Variants in ABI1 observed in about 807,000 individuals in gnomAD.
ABI1 encodes the protein abl interactor 1.
In ABI1, 14 loss-of-function variants were observed where a neutral mutation model predicts 54.6. The ratio of observed to expected loss-of-function variants is 0.26; its 90% CI spans 0.17 to 0.40. The LOEUF (loss-of-function observed/expected upper bound fraction) is 0.40. Ranked by LOEUF, ABI1 falls within the 10% of genes least tolerant of loss-of-function variation. The probability of loss-of-function intolerance (pLI) is 1.00; values close to 1 mark genes in which losing one functional copy is unlikely to be tolerated. For synonymous variants in ABI1, 194 were observed against 209.3 expected, an observed-to-expected ratio of 0.93 and a Z score of 0.63; for missense variants, 443 against 598.3, an observed-to-expected ratio of 0.74 and a Z score of 2.71.
At chr10:26,798,244 T>C (rs1022346844) in intron 2 of ABI1, among the ~76,000 whole-genome samples, 1 of 151,080 alleles carries the variant, frequency 6.6e-6, no homozygotes, top group African/African-American at 2.4e-5. Flanking sequence ...AAGTTAGAAC[T>C]GATATAGCAA....
chr10:26,849,312 G>GA (rs201581937), intron 1 of ABI1, among the ~76,000 whole-genome samples: 3 of 148,700 alleles, frequency 2.0e-5, no homozygotes, highest in Non-Finnish European at 3.0e-5. Context: ...ACCATCCACA[G>GA]AAAAAAAAAG....
rs568721503 is a variant in ABI1 at position 26,791,098 on chromosome 10, G to T, written c.286-13857C>A. Among the ~76,000 whole-genome samples the T allele has an allele frequency of 1.3e-4, 19 of 144,454 alleles. No individual in the cohort carries two copies. The South Asian group carries it at 4.2e-3, about 32-fold the overall frequency. 94.8% of individuals were successfully genotyped at this position (144,454 alleles called of 152,430 possible). ...AAAAAAAAAAAAAAAAAAACAGAGCGAATATAATACAAGTGGAAAACTCTT... is the reference window on the plus strand; with the variant it reads ...AAAAAAAAAAAAAAAAAAACAGAGCTAATATAATACAAGTGGAAAACTCTT... On this transcript the variant is annotated intron_variant, in intron 2 of 10. Transcript: ENST00000376140.
chr10:26,853,112 G>A lies in ABI1; in HGVS notation c.117+7635C>T, dbSNP rs2050525765. On this transcript the variant is annotated intron_variant, in intron 1 of 10. Transcript: ENST00000376140. ...AGGGATGGATATTTACTGTTAAAAT[G>A]ACCACGTCAACTATTTCCTTTAAAA... Among the ~76,000 whole-genome samples the A allele has an allele frequency of 3.3e-5, 5 of 151,606 alleles. No individual in the cohort carries two copies. In the South Asian group the frequency reaches 1.0e-3, roughly 31 times the overall value.
In ABI1 at chr10:26,800,438, C is replaced by T. The variant is rs1359520530; in HGVS notation, c.285+22700G>A. Among the ~76,000 whole-genome samples the T allele has an allele frequency of 3.3e-5, 5 of 152,022 alleles. No individual in the cohort carries two copies. In the South Asian group the frequency reaches 6.2e-4, roughly 19 times the overall value. On this transcript the variant is annotated intron_variant, in intron 2 of 10. Coordinates refer to ENST00000376140, the MANE Select transcript of ABI1 (RefSeq NM_001012750.3). ...ATCACAAGGAAGCATTACACATACCCATACGGAGACACATTCTACAAAACA... is the reference window on the plus strand; with the variant it reads ...ATCACAAGGAAGCATTACACATACCTATACGGAGACACATTCTACAAAACA...
At chr10:26,835,208 G>A (rs2048983568) in intron 1 of ABI1, among the ~76,000 whole-genome samples, 1 of 151,854 alleles carries the variant, frequency 6.6e-6, no homozygotes, top group African/African-American at 2.4e-5. Context: ...GGAGAAAGGG[G>A]AATACCCATA....
In ABI1 at chr10:26,751,694, CTGGTGG is replaced by C; in HGVS notation, c.1168_1173del (p.Pro390_Pro391del). The C allele has an allele frequency of 6.2e-7, 1 of 1,613,810 alleles. No homozygotes were observed. The highest frequency in any genetic ancestry group is 8.5e-7 in the Non-Finnish European group (1 of 1,179,870). On this transcript the variant is annotated inframe_deletion, in exon 10 of 11. Transcript: ENST00000376140. Reference sequence around the variant, plus strand: ...GCAGCCTCCTCATCTTCATAATCCACTGGTGGTGGTGGTGGGGGAGGTGGAGAGTCA... The same window carrying C: ...GCAGCCTCCTCATCTTCATAATCCACTGGTGGTGGGGGAGGTGGAGAGTCA...
chr10:26,794,165 C>A (rs926037771), intron 2 of ABI1, among the ~76,000 whole-genome samples: 74 of 152,220 alleles, frequency 4.9e-4, no homozygotes, highest in African/African-American at 1.6e-3. Flanking sequence ...ATCCCTTGAA[C>A]CCAGGATGCA....
intron 1 of ABI1, among the ~76,000 whole-genome samples, chr10:26,836,929 A>G (rs2049122864): frequency 6.6e-6 from 1 of 152,220 alleles, no homozygotes; most frequent in Non-Finnish European, 1.5e-5. Flanking sequence ...TGAACCAGAA[A>G]GTAACAATTT....
chr10:26,813,325 A>G (rs2047358348), intron 2 of ABI1, among the ~76,000 whole-genome samples: 1 of 152,092 alleles, frequency 6.6e-6, no homozygotes, highest in African/African-American at 2.4e-5. Context: ...CCAACAGTCC[A>G]TTAGGAATCT....
chr10:26,842,203 A>AT (rs2049571346), intron 1 of ABI1, among the ~76,000 whole-genome samples: 1 of 152,208 alleles, frequency 6.6e-6, no homozygotes, highest in Non-Finnish European at 1.5e-5. Context: ...ACCTTTTCAT[A>AT]TACCTGTCAG....
intron 2 of ABI1, among the ~76,000 whole-genome samples, chr10:26,808,971 A>G (rs1016106371): frequency 2.0e-5 from 3 of 151,754 alleles, no homozygotes; most frequent in Non-Finnish European, 4.4e-5. Context: ...CAATAAGGAC[A>G]TTTAAAAAAA....
intron 2 of ABI1, among the ~76,000 whole-genome samples, chr10:26,821,751 A>G (rs1371496458): frequency 6.6e-6 from 1 of 151,634 alleles, no homozygotes; most frequent in Non-Finnish European, 1.5e-5. Flanking sequence ...GAGAGCCAAG[A>G]TCACGCCATT....
chr10:26,752,299 TGAAGA>T (rs1026532926), intron 9 of ABI1, among the ~76,000 whole-genome samples: 10 of 152,316 alleles, frequency 6.6e-5, no homozygotes, highest in Non-Finnish European at 1.0e-4. Context: ...TTTGTTTTGA[TGAAGA>T]GAAAAGTAAA....
chr10:26,802,736 A>G (rs2046641945), intron 2 of ABI1, among the ~76,000 whole-genome samples: 1 of 152,160 alleles, frequency 6.6e-6, no homozygotes, highest in Non-Finnish European at 1.5e-5. Flanking sequence ...CACACAGAGA[A>G]GACCACCTGG....
At chr10:26,773,273 C>T (rs1840962070) in intron 3 of ABI1, among the ~76,000 whole-genome samples, 1 of 136,844 alleles carries the variant, frequency 7.3e-6, no homozygotes, top group African/African-American at 2.9e-5. Flanking sequence ...TCAATCTTGG[C>T]TCACTGCAAC....
chr10:26,833,935 A>C (rs1278655221), intron 1 of ABI1, among the ~76,000 whole-genome samples: 1 of 152,218 alleles, frequency 6.6e-6, no homozygotes, highest in Non-Finnish European at 1.5e-5. Flanking sequence ...TTATTAAAAA[A>C]TTAATATACT....
chr10:26,767,592 G>A (rs747294959), intron 6 of ABI1, among the ~76,000 whole-genome samples: 1 of 152,112 alleles, frequency 6.6e-6, no homozygotes, highest in Non-Finnish European at 1.5e-5. Flanking sequence ...TGGGTTGCTG[G>A]TAATGTTCCA....
intron 2 of ABI1, among the ~76,000 whole-genome samples, chr10:26,796,059 A>G (rs1344195637): frequency 6.6e-6 from 1 of 152,158 alleles, no homozygotes. Flanking sequence ...ACTGCACTCC[A>G]GCCTGGGTGA....
rs1164854399 is a variant in ABI1, at chr10:26,761,617, CATATATATATATATATATATAT to C, written c.821-2401_821-2380del. Among the ~76,000 whole-genome samples the C allele has an allele frequency of 9.4e-4, 47 of 49,836 alleles. 2 individuals are homozygous for C. The highest frequency in any genetic ancestry group is 0.016 in the Middle Eastern group (1 of 64). 32.7% of individuals were successfully genotyped at this position (49,836 alleles called of 152,430 possible). A position where few individuals can be genotyped will look rare whatever the true frequency, so the allele number is the denominator to read the frequency against. Reference sequence around the variant, plus strand: ...TCTTTCTTCTGTAAATAGTTTTTGTCATATATATATATATATATATATATATATATATATATATATATATACA... The same window carrying C: ...TCTTTCTTCTGTAAATAGTTTTTGTCATATATATATATATATATATATACA... On this transcript the variant is annotated intron_variant, in intron 7 of 10. Coordinates refer to ENST00000376140, the MANE Select transcript of ABI1 (RefSeq NM_001012750.3).
Sources: allele counts gnomAD v4.1 joint callset (sites outside exome capture counted in the v4.1 genomes callset), GRCh38; gene constraint gnomAD v4.1.1; transcripts MANE v1.5; gene names NCBI Gene and HGNC (gene_info 2026-07-23, HGNC 2026-07-21).